PKD2L1: variants seen among roughly 807,000 people sequenced by gnomAD.
The protein encoded by PKD2L1 is polycystin 2 like 1, transient receptor potential cation channel.
In PKD2L1, 77 loss-of-function variants were observed where a neutral mutation model predicts 93.0. That is an observed-to-expected ratio of 0.83 (90% CI 0.69 to 1.00). The LOEUF (loss-of-function observed/expected upper bound fraction) is 1.00, where lower values mean the gene tolerates loss of function less well. PKD2L1 is among the 50% of genes least tolerant of loss of function. The pLI is 0.00. For missense variants in PKD2L1, 977 were observed against 990.9 expected (o/e 0.99, Z 0.19); for synonymous variants, 390 against 388.0 (o/e 1.01, Z -0.06).
intron 2 of PKD2L1, among the ~76,000 whole-genome samples, chr10:100,315,295 T>C (rs1339508198): frequency 6.6e-6 from 1 of 152,074 alleles, no homozygotes; most frequent in Non-Finnish European, 1.5e-5. Context: ...CAACCCGTCA[T>C]CTAGGTTTTA....
At chr10:100,322,310 T>G (rs1589683308) in intron 2 of PKD2L1, among the ~76,000 whole-genome samples, 1 of 152,068 alleles carries the variant, frequency 6.6e-6, no homozygotes, top group African/African-American at 2.4e-5. Context: ...GCCGATCACT[T>G]GAGGTCAGGA....
At chr10:100,291,933 A>G (rs936672971) in intron 11 of PKD2L1, among the ~76,000 whole-genome samples, 1 of 151,872 alleles carries the variant, frequency 6.6e-6, no homozygotes, top group African/African-American at 2.4e-5. Context: ...ATACTTAGCA[A>G]TGCTCAACTA....
intron 2 of PKD2L1, among the ~76,000 whole-genome samples, chr10:100,325,452 G>A (rs1849357037): frequency 6.6e-6 from 1 of 152,168 alleles, no homozygotes; most frequent in Non-Finnish European, 1.5e-5. Context: ...GGTAGAGGCA[G>A]GGGCTAGGAA....
In PKD2L1 at chr10:100,297,504, T is replaced by C. The variant is rs754197532; in HGVS notation, c.834A>G (p.Arg278=). The C allele has an allele frequency of 8.7e-6, 14 of 1,613,996 alleles. No homozygotes were observed. The highest frequency in any genetic ancestry group is 1.2e-5 in the Non-Finnish European group (14 of 1,180,024). The change falls in exon 5 of 16, where the codon CGA becomes CGG. Residue 278 remains arginine (R), a synonymous_variant. Transcript: ENST00000318222. The part of the protein sequence containing the change: ...GGYYLDLPGS[R]QGSAEALRAL... ...CCCGGAGAGCCTCTGCACTACCCTG[T>C]CGGGATCCTGGAAGGTCCAGGTAGT... is the stretch of plus-strand genomic sequence containing the variant.
chr10:100,291,446 A>C lies in PKD2L1; in HGVS notation c.1881-19T>G. 1 of 1,613,258 alleles carries C rather than the reference A, an allele frequency of 6.2e-7. No individual in the cohort carries two copies. The highest frequency in any genetic ancestry group is 1.1e-5 in the South Asian group (1 of 90,998). ...TCCCAGTCTGAGAAGAGGATGATGA[A>C]ATGATTTCTGCCCAGCTGTGGCTGT... On this transcript the variant is annotated intron_variant, in intron 11 of 15. Coordinates refer to ENST00000318222, the MANE Select transcript of PKD2L1 (RefSeq NM_016112.3).
At chr10:100,310,640 A>C (rs1848912790) in intron 2 of PKD2L1, among the ~76,000 whole-genome samples, 1 of 152,190 alleles carries the variant, frequency 6.6e-6, no homozygotes, top group South Asian at 2.1e-4. Flanking sequence ...TGCCCTTATA[A>C]AATGAGTATT....
intron 12 of PKD2L1, among the ~76,000 whole-genome samples, chr10:100,290,748 G>A (rs916874191): frequency 6.6e-6 from 1 of 152,212 alleles, no homozygotes; most frequent in Non-Finnish European, 1.5e-5. Flanking sequence ...AAGGCTTGAT[G>A]GATGAGGTAT....
At chr10:100,318,317 A>C (rs2133566637) in intron 2 of PKD2L1, among the ~76,000 whole-genome samples, 1 of 152,268 alleles carries the variant, frequency 6.6e-6, no homozygotes, top group South Asian at 2.1e-4. Flanking sequence ...ATATCTGCTG[A>C]TTCCATCTTA....
At chr10:100,318,755 G>A (rs1280975767) in intron 2 of PKD2L1, among the ~76,000 whole-genome samples, 1 of 151,618 alleles carries the variant, frequency 6.6e-6, no homozygotes, top group Admixed American at 6.6e-5. Flanking sequence ...TACTAACCTC[G>A]TGATCCACCC....
At chr10:100,298,930 A>T in intron 3 of PKD2L1, 115 bp from the exon 4 acceptor site, 2 of 814,658 alleles carry the variant, frequency 2.5e-6, no homozygotes, top group East Asian at 5.9e-5. Flanking sequence ...GCTTTTTAAA[A>T]AATTATTGTT....
At chr10:100,329,838 A>C in intron 1 of PKD2L1, 31 bp downstream of exon 1, 1 of 1,433,124 alleles carries the variant, frequency 7.0e-7, no homozygotes, top group Non-Finnish European at 9.7e-7. Context: ...TGATTCTAAT[A>C]TCCCAGGAGA....
Position 100,329,251 on chromosome 10 carries a change from C to T in PKD2L1, c.309G>A (p.Glu103=). Residue 103 remains glutamate (E), a synonymous_variant, in exon 2 of 16, where the codon GAG becomes GAA. Coordinates refer to ENST00000318222, the MANE Select transcript of PKD2L1 (RefSeq NM_016112.3). ...CCAGGAACACAATATATACCAACAG[C>T]TCCCTCAGGGTGGTCTTGATATAAA... ...RELYIKTTLR[E]LLVYIVFLVD... is the part of the protein sequence containing the mutation. 1.2e-6 allele frequency: 2 copies of T among 1,614,122 alleles called. No individual in the cohort carries two copies. Among genetic ancestry groups the T allele is most frequent in the Non-Finnish European group, 1.7e-6 (2 of 1,179,948 alleles).
chr10:100,329,976 G>C lies in PKD2L1; in HGVS notation c.128C>G (p.Thr43Arg), dbSNP rs201774904. Reference protein sequence around the residue: ...GTLRVCTISSTGPLQPQPKKP... With the variant: ...GTLRVCTISSRGPLQPQPKKP... ...CTTGGGTTGGGGCTGGAGAGGCCCCGTGCTGGAGATGGTGCAGACTCTCAG... is the reference window on the plus strand; with the variant it reads ...CTTGGGTTGGGGCTGGAGAGGCCCCCTGCTGGAGATGGTGCAGACTCTCAG... The change falls in exon 1 of 16, where the codon ACG becomes AGG. Residue 43 changes from threonine (T) to arginine (R), a missense_variant. Coordinates refer to ENST00000318222, the MANE Select transcript of PKD2L1 (RefSeq NM_016112.3). 1 of 1,613,932 alleles carries C rather than the reference G, an allele frequency of 6.2e-7. No individual in the cohort carries two copies. Among genetic ancestry groups the C allele is most frequent in the Non-Finnish European group, 8.5e-7 (1 of 1,179,842 alleles).
In PKD2L1 at chr10:100,289,014, C is replaced by T. The variant is rs768821702; in HGVS notation, c.2293G>A (p.Val765Met). Residue 765 changes from valine (V) to methionine (M), a missense_variant, in exon 15 of 16, where the codon GTG becomes ATG. Physicochemically the swap from Val to Met is conservative, Grantham distance 21. Coordinates refer to ENST00000318222, the MANE Select transcript of PKD2L1 (RefSeq NM_016112.3). ...TGGACTCCCCAGGGGTCTGGGGTCA[C>T]AGCTGGGGCTGGCTGCGGGTGCTTC... ...IWKHPQPAPA[V>M]TPDPWGVQGG... 4.3e-6 allele frequency: 7 copies of T among 1,613,082 alleles called. No homozygotes were observed. The highest frequency in any genetic ancestry group is 2.2e-5 in the East Asian group (1 of 44,878).
intron 2 of PKD2L1, among the ~76,000 whole-genome samples, chr10:100,299,946 G>C (rs1040405775): frequency 6.6e-6 from 1 of 152,140 alleles, no homozygotes; most frequent in Non-Finnish European, 1.5e-5. Flanking sequence ...ACCCACCTCA[G>C]AAAGACTGAA....
At chr10:100,313,897 C>G (rs139892138) in intron 2 of PKD2L1, among the ~76,000 whole-genome samples, 5 of 152,324 alleles carry the variant, frequency 3.3e-5, no homozygotes, top group Non-Finnish European at 7.4e-5. Flanking sequence ...GGCTTTCTCT[C>G]TCAGTACACA....
chr10:100,293,407 C>CCCACT, intron 9 of PKD2L1, 28 bp from the exon 10 acceptor site: 2 of 1,419,658 alleles, frequency 1.4e-6, no homozygotes, highest in Non-Finnish European at 2.0e-6. Flanking sequence ...GACCTGGGTC[C>CCCACT]TCACCCCCAG....
At chr10:100,293,410 AC>A in intron 9 of PKD2L1, 31 bp from the exon 10 acceptor site, 2 of 1,362,576 alleles carry the variant, frequency 1.5e-6, no homozygotes, top group Non-Finnish European at 2.1e-6. Flanking sequence ...CTGGGTCCTC[AC>A]CCCCAGACCC....
chr10:100,300,301 C>T (rs975801905), intron 2 of PKD2L1, among the ~76,000 whole-genome samples: 2 of 152,110 alleles, frequency 1.3e-5, no homozygotes, highest in Non-Finnish European at 2.9e-5. Flanking sequence ...ACAGTCATCT[C>T]CTGAGAGAGC....
Sources: gnomAD v4.1 joint callset for allele counts (sites outside exome capture counted in the v4.1 genomes callset) on GRCh38, gnomAD v4.1.1 for gene constraint, MANE v1.5 for transcripts, NCBI Gene and HGNC (gene_info 2026-07-23, HGNC 2026-07-21) for gene names.